KIF4A: variants seen among roughly 807,000 people sequenced by gnomAD.
The protein encoded by KIF4A is kinesin family member 4A, also known as chromosome-associated kinesin KIF4A.
A neutral mutation model predicts 105.9 loss-of-function variants in KIF4A; 7 were observed. That is an observed-to-expected ratio of 0.07 (90% CI 0.04 to 0.12). The LOEUF is 0.12. Ranked by LOEUF, KIF4A falls within the 10% of genes least tolerant of loss-of-function variation. The probability of loss-of-function intolerance (pLI) is 1.00; values close to 1 mark genes in which losing one functional copy is unlikely to be tolerated. For synonymous variants in KIF4A, 281 were observed against 331.3 expected (o/e 0.85, Z 1.65); for missense variants, 558 against 929.2 (o/e 0.60, Z 5.19).
intron 10 of KIF4A, among the ~76,000 whole-genome samples, chrX:70,336,225 A>G (rs1204525596): frequency 1.8e-5 from 2 of 112,099 alleles, no homozygotes; most frequent in Non-Finnish European, 1.9e-5. Flanking sequence ...TATTGTGGAC[A>G]TGTGCCATAC....
At chrX:70,407,514 T>G (rs1253965014) in intron 28 of KIF4A, among the ~76,000 whole-genome samples, 1 of 111,596 alleles carries the variant, frequency 9.0e-6, no homozygotes, top group African/African-American at 3.3e-5. Context: ...TTAGCTATCA[T>G]TTAGAGGCAC....
At chrX:70,324,480 C>T (rs1286702388) in intron 7 of KIF4A, among the ~76,000 whole-genome samples, 2 of 111,739 alleles carry the variant, frequency 1.8e-5, no homozygotes, top group African/African-American at 6.5e-5. Context: ...CTTCTCTCAC[C>T]TTTCACATCC....
chrX:70,293,699 A>C (rs2085769720), intron 3 of KIF4A, among the ~76,000 whole-genome samples: 1 of 112,082 alleles, frequency 8.9e-6, no homozygotes, highest in African/African-American at 3.2e-5. Context: ...AACATCATGG[A>C]AAATATTTGT....
intron 7 of KIF4A, among the ~76,000 whole-genome samples, chrX:70,305,736 C>A (rs2085824263): frequency 8.9e-6 from 1 of 111,870 alleles, no homozygotes; most frequent in Admixed American, 9.5e-5. Flanking sequence ...ATCATATGGT[C>A]ACTCCATGTT....
chrX:70,420,455 C>T lies in KIF4A; in HGVS notation c.*190C>T. ...TAGCCTCCAGGTCCAGACTACTACT[C>T]TATGTTCTCCAGAAGGGTGCTAAGT... On this transcript the variant is annotated 3_prime_UTR_variant, in exon 31 of 31. Coordinates refer to ENST00000374403, the MANE Select transcript of KIF4A (RefSeq NM_012310.5). The T allele has an allele frequency of 1.8e-6, 1 of 558,003 alleles. No individual in the cohort carries two copies. The allele number at this position is 558,003 out of a possible 1,213,427, so 46.0% of individuals were successfully genotyped here. A position where few individuals can be genotyped will look rare whatever the true frequency, so the allele number is the denominator to read the frequency against.
At chrX:70,376,834 T>G (rs956838559) in intron 18 of KIF4A, among the ~76,000 whole-genome samples, 18 of 111,797 alleles carry the variant, frequency 1.6e-4, no homozygotes, top group African/African-American at 1.6e-4. Context: ...GAAAGTGATA[T>G]CAACAAAATA....
intron 10 of KIF4A, among the ~76,000 whole-genome samples, chrX:70,334,899 G>A (rs1320802131): frequency 8.9e-6 from 1 of 111,831 alleles, no homozygotes; most frequent in Non-Finnish European, 1.9e-5. Context: ...GTGTTGGCAA[G>A]GATGTGAAGA....
chrX:70,406,467 AC>A (rs1196731511), intron 27 of KIF4A, 113 bp downstream of exon 27: 1 of 567,744 alleles, frequency 1.8e-6, no homozygotes, highest in African/African-American at 2.3e-5. Context: ...CTAGCATCTC[AC>A]TTTTCTTTGG....
intron 15 of KIF4A, among the ~76,000 whole-genome samples, chrX:70,371,647 T>G (rs1183236042): frequency 2.0e-4 from 19 of 96,511 alleles, no homozygotes; most frequent in African/African-American, 7.3e-4. Context: ...GCTGGCCAGG[T>G]GGGGGGCTGA....
chrX:70,363,139 G>C, intron 15 of KIF4A, among the ~76,000 whole-genome samples: 1 of 111,615 alleles, frequency 9.0e-6, no homozygotes. Context: ...ATTACCATGA[G>C]TTGTAGTAAA....
At chrX:70,407,167 G>T in intron 28 of KIF4A, 92 bp downstream of exon 28, 1 of 976,580 alleles carries the variant, frequency 1.0e-6, no homozygotes, top group African/African-American at 1.9e-5. Context: ...GAGTACAGTG[G>T]TGCATTCTCG....
intron 11 of KIF4A, among the ~76,000 whole-genome samples, chrX:70,343,093 GT>G: frequency 9.0e-6 from 1 of 111,474 alleles, no homozygotes; most frequent in East Asian, 2.8e-4. Context: ...GCCTTCTGCT[GT>G]TTCTTCTTTC....
intron 15 of KIF4A, among the ~76,000 whole-genome samples, chrX:70,367,875 C>G (rs1314380324): frequency 8.9e-6 from 1 of 112,180 alleles, no homozygotes; most frequent in Admixed American, 9.5e-5. Flanking sequence ...CTCCCCGTCA[C>G]TTTCAGGTAC....
chrX:70,325,667 T>C (rs1444362317), intron 7 of KIF4A, among the ~76,000 whole-genome samples: 1 of 110,101 alleles, frequency 9.1e-6, no homozygotes, highest in Non-Finnish European at 1.9e-5. Flanking sequence ...ATTTCTGAGA[T>C]TGTAGTGTGC....
At chrX:70,396,142 G>T (rs761817059) in intron 22 of KIF4A, 93 bp downstream of exon 22, 2 of 611,188 alleles carry the variant, frequency 3.3e-6, no homozygotes, top group African/African-American at 4.6e-5. Context: ...CCTTGTGATG[G>T]TGGAAAAACA....
intron 10 of KIF4A, among the ~76,000 whole-genome samples, chrX:70,338,824 G>A (rs1276421643): frequency 1.8e-5 from 2 of 111,668 alleles, no homozygotes; most frequent in Non-Finnish European, 3.8e-5. Flanking sequence ...GGTGGCTCAT[G>A]CCTGTAACCC....
At chrX:70,410,127 T>TA (rs1245818414) in intron 28 of KIF4A, among the ~76,000 whole-genome samples, 1 of 112,329 alleles carries the variant, frequency 8.9e-6, no homozygotes, top group African/African-American at 3.2e-5. Context: ...TCTCTAAAGT[T>TA]ACCTTTTGGC....
chrX:70,369,762 T>C (rs1218011507), intron 15 of KIF4A, among the ~76,000 whole-genome samples: 2 of 111,685 alleles, frequency 1.8e-5, no homozygotes, highest in African/African-American at 6.5e-5. Flanking sequence ...ATTCTATGTT[T>C]AACACATTTT....
At chrX:70,339,886 A>C (rs1237499729) in intron 10 of KIF4A, among the ~76,000 whole-genome samples, 1 of 111,868 alleles carries the variant, frequency 8.9e-6, no homozygotes, top group Non-Finnish European at 1.9e-5. Flanking sequence ...GCCTGGCCCT[A>C]GTCCTGTTTT....
Sources: gnomAD v4.1 joint callset for allele counts (sites outside exome capture counted in the v4.1 genomes callset) on GRCh38, gnomAD v4.1.1 for gene constraint, MANE v1.5 for transcripts, NCBI Gene and HGNC (gene_info 2026-07-23, HGNC 2026-07-21) for gene names.